CATSPERZ: variants seen among roughly 807,000 people sequenced by gnomAD.
The protein encoded by CATSPERZ is catsper channel auxiliary subunit zeta, also known as cation channel sperm-associated auxiliary subunit zeta.
In CATSPERZ, 21 loss-of-function variants were observed where a neutral mutation model predicts 21.7. The observed-to-expected ratio is 0.97, with a 90% CI of 0.69 to 1.39. CATSPERZ has a LOEUF of 1.39. CATSPERZ is among the 40% of genes most tolerant of loss of function. CATSPERZ has a pLI of 0.00. For missense variants in CATSPERZ, 234 were observed against 259.5 expected (o/e 0.90, Z 0.68); for synonymous variants, 127 against 108.7 (o/e 1.17, Z -1.05).
At chr11:64,303,860 C>T in intron 4 of CATSPERZ, 21 bp downstream of exon 4, 4 of 1,585,974 alleles carry the variant, frequency 2.5e-6, no homozygotes, top group South Asian at 1.2e-5. Flanking sequence ...CGCCAACCCC[C>T]AAGAACTCCC....
Position 64,304,728 on chromosome 11 carries a change from A to C in CATSPERZ, c.*82A>C. ...CCAGACCCAAGCCTGACCCCATCCGAGTGGAATTTGAGTCCTAAAGAAATA... is the reference window on the plus strand; with the variant it reads ...CCAGACCCAAGCCTGACCCCATCCGCGTGGAATTTGAGTCCTAAAGAAATA... On this transcript the variant is annotated 3_prime_UTR_variant, in exon 5 of 5. Transcript: ENST00000328404. 1 of 1,200,984 alleles carries C rather than the reference A, an allele frequency of 8.3e-7. No homozygotes were observed. Among genetic ancestry groups the C allele is most frequent in the Non-Finnish European group, 1.2e-6 (1 of 847,358 alleles). The allele number at this position is 1,200,984 out of a possible 1,614,324, so 74.4% of individuals were successfully genotyped here.
intron 1 of CATSPERZ, 67 bp from the exon 2 acceptor site, chr11:64,300,590 A>G: frequency 1.3e-6 from 2 of 1,498,936 alleles, no homozygotes; most frequent in Admixed American, 2.0e-5. Flanking sequence ...TCAGTTCCCC[A>G]GCCCGCTCTT....
intron 3 of CATSPERZ, 93 bp from the exon 4 acceptor site, chr11:64,303,680 G>T: frequency 6.7e-7 from 1 of 1,496,314 alleles, no homozygotes; most frequent in South Asian, 1.2e-5. Flanking sequence ...AGGCTGGTTG[G>T]GGGTTTGGGG....
chr11:64,304,542 G>C lies in CATSPERZ; in HGVS notation c.500-1G>C. ...TGAGCCGAGCTCTGCCCTCCTCCTA[G>C]GCTACCAGTTAGGGATCGGCAGGGA... On this transcript the variant is annotated splice_acceptor_variant, in intron 4 of 4. Coordinates refer to ENST00000328404, the MANE Select transcript of CATSPERZ (RefSeq NM_001039496.2). LOFTEE classifies it high-confidence loss of function. The C allele has an allele frequency of 6.3e-7, 1 of 1,579,536 alleles. No individual in the cohort carries two copies. The highest frequency in any genetic ancestry group is 8.6e-7 in the Non-Finnish European group (1 of 1,163,650).
At chr11:64,302,532 G>T (rs530150511) in intron 2 of CATSPERZ, among the ~76,000 whole-genome samples, 9 of 151,962 alleles carry the variant, frequency 5.9e-5, no homozygotes, top group African/African-American at 2.2e-4. Flanking sequence ...CGCCCACCTC[G>T]GCCTCCCAAA....
At chr11:64,303,150 T>G (rs958399326) in intron 2 of CATSPERZ, among the ~76,000 whole-genome samples, 20 of 151,968 alleles carry the variant, frequency 1.3e-4, no homozygotes, top group African/African-American at 4.8e-4. Context: ...CCGCCCACAT[T>G]GGCCTCCCAA....
intron 2 of CATSPERZ, among the ~76,000 whole-genome samples, chr11:64,301,281 T>TTTCG (rs1205259730): frequency 2.0e-4 from 31 of 152,264 alleles, no homozygotes; most frequent in Admixed American, 1.2e-3. Context: ...GGTTTTTTTG[T>TTTCG]TTTGTTTGTT....
Position 64,300,804 on chromosome 11 carries a change from CG to C in CATSPERZ, c.170del (p.Arg57ProfsTer93). Reference protein sequence around the residue: ...EVCEGFDEEGRNISKTRGWHS... With the variant: ...EVCEGFDEEGXNISKTRGWHS... The stretch of plus-strand genomic sequence containing the variant: ...CTGCGAGGGCTTCGACGAGGAGGGC[CG>C]CAACATTAGCAAGACCCGCGGGTGG... On this transcript the variant is annotated frameshift_variant, in exon 2 of 5. Coordinates refer to ENST00000328404, the MANE Select transcript of CATSPERZ (RefSeq NM_001039496.2). LOFTEE classifies it high-confidence loss of function. 1 of 1,558,724 alleles carries C rather than the reference CG, an allele frequency of 6.4e-7. No individual in the cohort carries two copies.
chr11:64,304,532 C>T lies in CATSPERZ; in HGVS notation c.500-11C>T, dbSNP rs1443710870. 6 of 1,570,996 alleles carry T rather than the reference C, an allele frequency of 3.8e-6. No individual in the cohort carries two copies. Among genetic ancestry groups the T allele is most frequent in the Non-Finnish European group, 5.2e-6 (6 of 1,158,912 alleles). ...CTCACTGCCCTGAGCCGAGCTCTGCCCTCCTCCTAGGCTACCAGTTAGGGA... is the reference window on the plus strand; with the variant it reads ...CTCACTGCCCTGAGCCGAGCTCTGCTCTCCTCCTAGGCTACCAGTTAGGGA... On this transcript the variant is annotated splice_polypyrimidine_tract_variant and intron_variant, in intron 4 of 4. Coordinates refer to ENST00000328404, the MANE Select transcript of CATSPERZ (RefSeq NM_001039496.2).
At chr11:64,300,557 C>T (rs2034904907) in intron 1 of CATSPERZ, 100 bp from the exon 2 acceptor site, 1 of 1,514,070 alleles carries the variant, frequency 6.6e-7, no homozygotes, top group Non-Finnish European at 8.9e-7. Flanking sequence ...CCACGTTCTA[C>T]GGGATCCCCA....
chr11:64,301,022 A>C (rs1179221531), intron 2 of CATSPERZ, 35 bp downstream of exon 2: 1 of 1,481,014 alleles, frequency 6.8e-7, no homozygotes, highest in Non-Finnish European at 9.1e-7. Flanking sequence ...GGGCACCCGC[A>C]GGGCAATAAG....
Position 64,304,640 on chromosome 11 carries a change from G to T in CATSPERZ, c.597G>T (p.Val199=), listed in dbSNP as rs1263542384. The T allele has an allele frequency of 6.4e-7, 1 of 1,567,852 alleles. No individual in the cohort carries two copies. Residue 199 remains valine (V), a synonymous_variant, in exon 5 of 5, where the codon GTG becomes GTT. Coordinates refer to ENST00000328404, the MANE Select transcript of CATSPERZ (RefSeq NM_001039496.2). Reference sequence around the variant, plus strand: ...AGCGCCGGAGCAAGAGGCTGTACGTGAATTAAAAACGCCACCTTGGGCTCG... The same window carrying T: ...AGCGCCGGAGCAAGAGGCTGTACGTTAATTAAAAACGCCACCTTGGGCTCG... ...LKKRRSKRLY[V]N is the part of the protein sequence containing the mutation.
Position 64,303,310 on chromosome 11 carries a change from G to A in CATSPERZ, c.353-172G>A, listed in dbSNP as rs523461. On this transcript the variant is annotated intron_variant, in intron 2 of 4. Transcript: ENST00000328404. ...GGGCAGTCATTACTGGAACCATGTG[G>A]GTGGGGCTCTAAAGCCCAGGGTTGT... 2.4e-3 allele frequency among the ~76,000 whole-genome samples: 368 copies of A among 152,262 alleles called. 1 individual carries two copies. The highest frequency in any genetic ancestry group is 3.7e-3 in the Non-Finnish European group (254 of 68,018).
At position 64,300,985 on chromosome 11, in the gene CATSPERZ, C is replaced by G; in HGVS notation, c.350C>G (p.Ala117Gly). The G allele has an allele frequency of 6.5e-7, 1 of 1,538,016 alleles. No homozygotes were observed. The highest frequency in any genetic ancestry group is 8.8e-7 in the Non-Finnish European group (1 of 1,137,814). Residue 117 changes from alanine to glycine, a missense_variant and splice_region_variant, in exon 2 of 5, where the codon GCC becomes GGC. Coordinates refer to ENST00000328404, the MANE Select transcript of CATSPERZ (RefSeq NM_001039496.2). ...AAGGACACTGCATCCCAGATCGAGG[C>G]CGGTCAGTGTGGCCTCGCCAGGCCG... is the stretch of plus-strand genomic sequence containing the variant. ...GEKDTASQIE[A>G]EKSSSMSSLN... is the part of the protein sequence containing the mutation.
chr11:64,303,234 G>T (rs1035258049), intron 2 of CATSPERZ, among the ~76,000 whole-genome samples: 3 of 152,118 alleles, frequency 2.0e-5, no homozygotes, highest in Non-Finnish European at 4.4e-5. Context: ...TACTGATGAA[G>T]AACTTGAGGG....
chr11:64,301,877 C>T (rs1371549429), intron 2 of CATSPERZ, among the ~76,000 whole-genome samples: 1 of 152,046 alleles, frequency 6.6e-6, no homozygotes, highest in Non-Finnish European at 1.5e-5. Context: ...CGACATGTTG[C>T]CCCAGCTGGT....
At position 64,303,849 on chromosome 11, in the gene CATSPERZ, C is replaced by T; in HGVS notation, c.499+10C>T. On this transcript the variant is annotated intron_variant, in intron 4 of 4. Coordinates refer to ENST00000328404, the MANE Select transcript of CATSPERZ (RefSeq NM_001039496.2). ...ACCAAAGCCCTCCGGAGTAAGCTCC[C>T]CGCCAACCCCCAAGAACTCCCACGA... 1 of 1,589,918 alleles carries T rather than the reference C, an allele frequency of 6.3e-7. No individual in the cohort carries two copies. Among genetic ancestry groups the T allele is most frequent in the Non-Finnish European group, 8.6e-7 (1 of 1,168,612 alleles).
At chr11:64,303,679 G>C in intron 3 of CATSPERZ, 94 bp from the exon 4 acceptor site, 1 of 1,487,322 alleles carries the variant, frequency 6.7e-7, no homozygotes, top group Non-Finnish European at 9.1e-7. Flanking sequence ...CAGGCTGGTT[G>C]GGGGTTTGGG....
Position 64,303,489 on chromosome 11 carries a change from T to C in CATSPERZ, c.360T>C (p.Ser120=). The C allele has an allele frequency of 6.2e-7, 1 of 1,612,888 alleles. No individual in the cohort carries two copies. The highest frequency in any genetic ancestry group is 8.5e-7 in the Non-Finnish European group (1 of 1,179,380). The change falls in exon 3 of 5, where the codon TCT becomes TCC. Residue 120 remains serine, a synonymous_variant. Coordinates refer to ENST00000328404, the MANE Select transcript of CATSPERZ (RefSeq NM_001039496.2). ...TTTTTTCTCTTCTCCCAGAAAAGTC[T>C]TCCTCAATGTCATCACTCAATATTG... ...DTASQIEAEK[S]SSMSSLNIAK...
Sources: allele counts gnomAD v4.1 joint callset (sites outside exome capture counted in the v4.1 genomes callset), GRCh38; gene constraint gnomAD v4.1.1; transcripts MANE v1.5; gene names NCBI Gene and HGNC (gene_info 2026-07-23, HGNC 2026-07-21).